Variants in CCDC178 observed in about 807,000 individuals in gnomAD.
CCDC178 encodes coiled-coil domain-containing protein 178.
Under a neutral mutation model 117.4 loss-of-function variants are expected in CCDC178, and 126 were observed. The ratio of observed to expected loss-of-function variants is 1.07; its 90% CI spans 0.93 to 1.24. The LOEUF (loss-of-function observed/expected upper bound fraction) is 1.24. Ranked by LOEUF, CCDC178 falls within the 50% of genes most tolerant of loss-of-function variation. CCDC178 has a pLI of 0.00. For synonymous variants in CCDC178, 283 were observed against 313.4 expected, an observed-to-expected ratio of 0.90 and a Z score of 1.02; for missense variants, 1,030 against 986.9, an observed-to-expected ratio of 1.04 and a Z score of -0.59.
intron 6 of CCDC178, among the ~76,000 whole-genome samples, chr18:33,357,813 G>GAT (rs35500149): frequency 2.7e-4 from 38 of 143,232 alleles, no homozygotes; most frequent in Admixed American, 5.0e-4. Context: ...AAAATTATAT[G>GAT]ATATATATAT....
intron 21 of CCDC178, among the ~76,000 whole-genome samples, chr18:33,048,701 G>C (rs997254958): frequency 1.3e-5 from 2 of 151,956 alleles, no homozygotes; most frequent in Non-Finnish European, 2.9e-5. Flanking sequence ...TTGTATCTTA[G>C]GGGAAACCAT....
At chr18:33,284,213 A>T (rs754289929) in intron 12 of CCDC178, among the ~76,000 whole-genome samples, 2 of 152,170 alleles carry the variant, frequency 1.3e-5, no homozygotes, top group East Asian at 1.9e-4. Flanking sequence ...ATGAGAACAC[A>T]TGGATACACA....
chr18:32,966,507 T>G (rs2054816524), intron 22 of CCDC178, among the ~76,000 whole-genome samples: 1 of 151,924 alleles, frequency 6.6e-6, no homozygotes, highest in Non-Finnish European at 1.5e-5. Context: ...TTTCTATCCA[T>G]TCTTGCATTA....
At chr18:32,946,665 A>C (rs962555473) in intron 22 of CCDC178, among the ~76,000 whole-genome samples, 8 of 150,338 alleles carry the variant, frequency 5.3e-5, no homozygotes, top group Non-Finnish European at 8.8e-5. Flanking sequence ...ATTGAATTAT[A>C]ATAATTATTA....
At chr18:33,304,979 A>G (rs1456763578) in intron 11 of CCDC178, among the ~76,000 whole-genome samples, 4 of 152,156 alleles carry the variant, frequency 2.6e-5, no homozygotes, top group Non-Finnish European at 5.9e-5. Flanking sequence ...CTAGTGGAAA[A>G]GTTGATTTGT....
chr18:33,068,458 A>G (rs759769266), intron 21 of CCDC178, among the ~76,000 whole-genome samples: 12 of 152,178 alleles, frequency 7.9e-5, no homozygotes, highest in Admixed American at 5.2e-4. Context: ...ACACATCAAA[A>G]AGATAATATA....
intron 20 of CCDC178, among the ~76,000 whole-genome samples, chr18:33,199,791 C>A: frequency 6.6e-6 from 1 of 152,058 alleles, no homozygotes; most frequent in East Asian, 1.9e-4. Flanking sequence ...TTTCTGCAAC[C>A]GTATTCTGTT....
At chr18:33,100,481 C>T (rs1246090655) in intron 20 of CCDC178, among the ~76,000 whole-genome samples, 4 of 151,900 alleles carry the variant, frequency 2.6e-5, no homozygotes, top group Non-Finnish European at 5.9e-5. Context: ...CTAACTACAT[C>T]AGGATGCATT....
At chr18:33,329,950 C>CTTT (rs1205443998) in intron 10 of CCDC178, among the ~76,000 whole-genome samples, 15 of 64,486 alleles carry the variant, frequency 2.3e-4, no homozygotes, top group African/African-American at 7.3e-4. Flanking sequence ...TGGTCCTGGG[C>CTTT]TTTTTTTTTT....
At chr18:33,232,257 C>G (rs1007894652) in intron 15 of CCDC178, among the ~76,000 whole-genome samples, 6 of 152,172 alleles carry the variant, frequency 3.9e-5, no homozygotes, top group African/African-American at 1.4e-4. Context: ...GATTCCTGTA[C>G]TAGGACAAAA....
intron 20 of CCDC178, among the ~76,000 whole-genome samples, chr18:33,095,139 C>CT (rs897892932): frequency 2.6e-5 from 4 of 151,592 alleles, no homozygotes; most frequent in South Asian, 2.1e-4. Context: ...TAGAATTCTT[C>CT]TTTTTTTTCA....
At chr18:33,353,868 T>G (rs947172893) in intron 7 of CCDC178, among the ~76,000 whole-genome samples, 3 of 152,176 alleles carry the variant, frequency 2.0e-5, no homozygotes, top group African/African-American at 7.2e-5. Flanking sequence ...CCTTTGTAGT[T>G]ACCTTTATTA....
intron 11 of CCDC178, among the ~76,000 whole-genome samples, chr18:33,316,049 G>C (rs545418169): frequency 1.3e-5 from 2 of 152,330 alleles, no homozygotes; most frequent in East Asian, 1.9e-4. Flanking sequence ...GTCCTTTTGA[G>C]AGGTGACAGC....
intron 21 of CCDC178, among the ~76,000 whole-genome samples, chr18:32,987,188 T>C (rs751227249): frequency 3.9e-5 from 6 of 151,966 alleles, no homozygotes; most frequent in African/African-American, 1.4e-4. Context: ...GGATTACATT[T>C]TTCAGTTAGG....
intron 11 of CCDC178, among the ~76,000 whole-genome samples, chr18:33,303,666 A>C (rs1288279696): frequency 6.6e-6 from 1 of 150,928 alleles, no homozygotes; most frequent in Non-Finnish European, 1.5e-5. Context: ...CAAAAACATA[A>C]AGTCTAGTTT....
intron 3 of CCDC178, among the ~76,000 whole-genome samples, chr18:33,408,424 A>G (rs897687050): frequency 3.9e-5 from 6 of 152,006 alleles, no homozygotes; most frequent in African/African-American, 1.4e-4. Context: ...AAAACTTACT[A>G]TTTTCAAATG....
chr18:33,067,427 AATG>A (rs140686788), intron 21 of CCDC178, among the ~76,000 whole-genome samples: 4,041 of 152,256 alleles, frequency 0.027, 186 homozygotes, highest in African/African-American at 0.093. Flanking sequence ...TAAACAACCT[AATG>A]ATGAACCTGA....
At chr18:33,186,796 A>G (rs925575159) in intron 20 of CCDC178, among the ~76,000 whole-genome samples, 4 of 151,992 alleles carry the variant, frequency 2.6e-5, no homozygotes, top group Non-Finnish European at 5.9e-5. Context: ...ACAATTCTAG[A>G]TTAGAAGTGA....
chr18:33,429,138 G>A (rs180984687), intron 2 of CCDC178, among the ~76,000 whole-genome samples: 13 of 152,048 alleles, frequency 8.5e-5, no homozygotes, highest in East Asian at 5.8e-4. Context: ...AAGCTTCTCC[G>A]CATTATCACT....
Sources: gnomAD v4.1 joint callset for allele counts (sites outside exome capture counted in the v4.1 genomes callset) on GRCh38, gnomAD v4.1.1 for gene constraint, MANE v1.5 for transcripts, NCBI Gene and HGNC (gene_info 2026-07-23, HGNC 2026-07-21) for gene names.